MARK1: variants seen among roughly 807,000 people sequenced by gnomAD.
The protein encoded by MARK1 is microtubule affinity regulating kinase 1.
MARK1 carries 40 observed loss-of-function variants against 96.3 expected under a neutral mutation model. The observed-to-expected ratio is 0.42, with a 90% confidence interval of 0.32 to 0.54. The LOEUF (loss-of-function observed/expected upper bound fraction) is 0.54, where lower values mean the gene tolerates loss of function less well. Ranked by LOEUF, MARK1 falls within the 20% of genes least tolerant of loss-of-function variation. The pLI is 0.16. For missense variants in MARK1, 719 were observed against 984.6 expected (o/e 0.73, Z 3.61); for synonymous variants, 317 against 341.2 (o/e 0.93, Z 0.78).
intron 1 of MARK1, among the ~76,000 whole-genome samples, chr1:220,571,388 A>G (rs1663442201): frequency 6.6e-6 from 1 of 152,230 alleles, no homozygotes; most frequent in Non-Finnish European, 1.5e-5. Flanking sequence ...GTAGGAACAT[A>G]GAGGAGGAGA....
intron 3 of MARK1, among the ~76,000 whole-genome samples, chr1:220,589,716 G>T (rs73093553): frequency 2.6e-4 from 39 of 152,248 alleles, no homozygotes; most frequent in African/African-American, 9.1e-4. Context: ...ATTTGAAGGG[G>T]AATAGTAAAT....
intron 3 of MARK1, among the ~76,000 whole-genome samples, chr1:220,592,578 T>G (rs1447523932): frequency 1.3e-5 from 2 of 152,186 alleles, no homozygotes; most frequent in Non-Finnish European, 2.9e-5. Flanking sequence ...CCCAGTTAAG[T>G]CAGGCTTGGA....
intron 3 of MARK1, among the ~76,000 whole-genome samples, chr1:220,581,947 G>A (rs966925902): frequency 3.3e-5 from 5 of 152,166 alleles, no homozygotes; most frequent in Non-Finnish European, 5.9e-5. Context: ...AATATACATT[G>A]TGACTTTTAT....
At chr1:220,610,906 C>T (rs1330624996) in intron 6 of MARK1, among the ~76,000 whole-genome samples, 1 of 152,192 alleles carries the variant, frequency 6.6e-6, no homozygotes, top group East Asian at 1.9e-4. Context: ...GCAAATATTA[C>T]AGAACAGAGA....
chr1:220,662,195 G>A lies in MARK1; in HGVS notation c.*29G>A. 1 of 1,529,548 alleles carries A rather than the reference G, an allele frequency of 6.5e-7. No individual in the cohort carries two copies. The highest frequency in any genetic ancestry group is 2.3e-5 in the East Asian group (1 of 44,248). The allele number at this position is 1,529,548 out of a possible 1,614,324, so 94.7% of individuals were successfully genotyped here. On this transcript the variant is annotated 3_prime_UTR_variant, in exon 18 of 18. Coordinates refer to ENST00000366917, the MANE Select transcript of MARK1 (RefSeq NM_018650.5). Reference sequence around the variant, plus strand: ...AGTCCAAATTTACAGGTTCAGGGAAGATACATACATATATGAGGTACAGTT... The same window carrying A: ...AGTCCAAATTTACAGGTTCAGGGAAAATACATACATATATGAGGTACAGTT...
chr1:220,581,453 A>G (rs1371338349), intron 3 of MARK1, among the ~76,000 whole-genome samples: 1 of 152,218 alleles, frequency 6.6e-6, no homozygotes, highest in Non-Finnish European at 1.5e-5. Flanking sequence ...TCTGAAAATT[A>G]GACTTATATT....
chr1:220,605,852 T>G (rs1251583363), intron 6 of MARK1, among the ~76,000 whole-genome samples: 1 of 152,204 alleles, frequency 6.6e-6, no homozygotes, highest in African/African-American at 2.4e-5. Context: ...ACTTATCCTT[T>G]TTTATGGCTG....
At position 220,662,262 on chromosome 1, in the gene MARK1, T is replaced by A; in HGVS notation, c.*96T>A. On this transcript the variant is annotated 3_prime_UTR_variant, in exon 18 of 18. Transcript: ENST00000366917. ...ATGCCTAATGTGGTCTGCCTGTGAA[T>A]CTCCCCATGTAGAATTTGCCCTTAA... 5.7e-6 allele frequency: 5 copies of A among 884,410 alleles called. No individual in the cohort carries two copies. The highest frequency in any genetic ancestry group is 1.7e-5 in the South Asian group (1 of 58,410). The allele number at this position is 884,410 out of a possible 1,614,324, so 54.8% of individuals were successfully genotyped here.
At chr1:220,661,215 T>C (rs1669462845) in intron 17 of MARK1, among the ~76,000 whole-genome samples, 1 of 152,104 alleles carries the variant, frequency 6.6e-6, no homozygotes, top group Admixed American at 6.6e-5. Context: ...TAGTAGGAGT[T>C]GGAATGGAAG....
chr1:220,571,954 GCCC>G (rs1663494186), intron 1 of MARK1: 1 of 152,154 alleles, frequency 6.6e-6, no homozygotes, highest in Non-Finnish European at 1.5e-5. Context: ...GTGTACTACA[GCCC>G]AGAACTCTTG....
intron 1 of MARK1, among the ~76,000 whole-genome samples, chr1:220,565,338 G>A (rs1465070798): frequency 1.3e-5 from 2 of 152,102 alleles, no homozygotes; most frequent in Non-Finnish European, 2.9e-5. Context: ...CCACAATATT[G>A]AGGTCCTTCT....
chr1:220,602,093 AGT>A (rs1024606845), intron 5 of MARK1, among the ~76,000 whole-genome samples: 4 of 152,210 alleles, frequency 2.6e-5, no homozygotes, highest in African/African-American at 9.6e-5. Flanking sequence ...ATTTCTACTT[AGT>A]TTAGGATCAA....
chr1:220,534,401 T>C (rs1660540112), intron 1 of MARK1, among the ~76,000 whole-genome samples: 1 of 152,094 alleles, frequency 6.6e-6, no homozygotes, highest in African/African-American at 2.4e-5. Context: ...CTTCTAAGTG[T>C]ATGTTTATAC....
At chr1:220,640,467 A>T (rs1558316882) in intron 13 of MARK1, among the ~76,000 whole-genome samples, 1 of 152,332 alleles carries the variant, frequency 6.6e-6, no homozygotes, top group East Asian at 1.9e-4. Context: ...TGAGTTAAAT[A>T]GTTAAATAGA....
At chr1:220,661,237 G>A (rs146426807) in intron 17 of MARK1, among the ~76,000 whole-genome samples, 19 of 152,228 alleles carry the variant, frequency 1.2e-4, no homozygotes, top group South Asian at 4.1e-4. Context: ...CATGGGGAAC[G>A]TTGTAGACTG....
chr1:220,615,707 G>A (rs1470773071), intron 6 of MARK1, among the ~76,000 whole-genome samples: 3 of 152,122 alleles, frequency 2.0e-5, no homozygotes, highest in East Asian at 1.9e-4. Context: ...CTCTGACAAA[G>A]AAATATTTTA....
intron 6 of MARK1, among the ~76,000 whole-genome samples, chr1:220,610,390 T>C (rs1172997334): frequency 6.6e-6 from 1 of 152,240 alleles, no homozygotes; most frequent in African/African-American, 2.4e-5. Context: ...ACCATGGTTT[T>C]CAGCTCCATC....
intron 9 of MARK1, chr1:220,626,321 T>C: frequency 3.7e-6 from 2 of 546,082 alleles, no homozygotes; most frequent in African/African-American, 1.9e-5. Context: ...GTCATGACTA[T>C]GTCTTCTCCT....
chr1:220,608,087 T>G (rs1028633790), intron 6 of MARK1, among the ~76,000 whole-genome samples: 5 of 152,188 alleles, frequency 3.3e-5, no homozygotes, highest in Non-Finnish European at 4.4e-5. Flanking sequence ...TTAGGGAGGA[T>G]TCCCTCTTTT....
Sources: gnomAD v4.1 joint callset for allele counts (sites outside exome capture counted in the v4.1 genomes callset) on GRCh38, gnomAD v4.1.1 for gene constraint, MANE v1.5 for transcripts, NCBI Gene and HGNC (gene_info 2026-07-23, HGNC 2026-07-21) for gene names.